HOMER1: variants seen among roughly 807,000 people sequenced by gnomAD.
HOMER1 encodes homer protein homolog 1.
HOMER1 carries 3 observed loss-of-function variants against 48.9 expected under a neutral mutation model. The ratio of observed to expected loss-of-function variants is 0.06; its 90% confidence interval spans 0.03 to 0.16. The LOEUF is 0.16. HOMER1 is among the 10% of genes least tolerant of loss of function. The probability of loss-of-function intolerance (pLI) is 1.00; values close to 1 mark genes in which losing one functional copy is unlikely to be tolerated. For synonymous variants in HOMER1, 134 were observed against 146.4 expected (o/e 0.92, Z 0.61); for missense variants, 247 against 411.4 (o/e 0.60, Z 3.46).
At chr5:79,408,443 G>C (rs765432784) in intron 5 of HOMER1, among the ~76,000 whole-genome samples, 1 of 152,066 alleles carries the variant, frequency 6.6e-6, no homozygotes, top group African/African-American at 2.4e-5. Context: ...GAGAAATGTA[G>C]ATCTACACAG....
chr5:79,457,500 C>T (rs1751205658), intron 1 of HOMER1, among the ~76,000 whole-genome samples: 1 of 152,116 alleles, frequency 6.6e-6, no homozygotes, highest in African/African-American at 2.4e-5. Flanking sequence ...TAAAATGGCC[C>T]ATAAGCATCA....
At position 79,432,284 on chromosome 5, in the gene HOMER1, G is replaced by A. The variant is rs6887751; in HGVS notation, c.527+6726C>T. On this transcript the variant is annotated intron_variant, in intron 5 of 8. Transcript: ENST00000334082. ...ATGTAGCAGGCTAAGAACAGAAATGGAGGGGAAAAAGGAATTTTTTAAAGC... is the reference window on the plus strand; with the variant it reads ...ATGTAGCAGGCTAAGAACAGAAATGAAGGGGAAAAAGGAATTTTTTAAAGC... 1.0e-2 allele frequency among the ~76,000 whole-genome samples: 1,521 copies of A among 152,266 alleles called. 28 individuals are homozygous for A. The highest frequency in any genetic ancestry group is 0.035 in the African/African-American group (1,459 of 41,556).
chr5:79,497,367 G>A (rs1752455588), intron 1 of HOMER1, among the ~76,000 whole-genome samples: 1 of 151,804 alleles, frequency 6.6e-6, no homozygotes, highest in Non-Finnish European at 1.5e-5. Context: ...ATAAAAAATA[G>A]AGCTGGGTGC....
chr5:79,427,797 TTCCTTTCCTTCCTTCCTTCTTTTCC>T (rs1411957675), intron 5 of HOMER1, among the ~76,000 whole-genome samples: 1 of 141,884 alleles, frequency 7.0e-6, no homozygotes, highest in African/African-American at 3.1e-5. Context: ...CCTTCCTTCC[TTCCTTTCCTTCCTTCCTTCTTTTCC>T]TTCCTTCCTT....
At chr5:79,398,138 C>T (rs1330786682) in intron 6 of HOMER1, among the ~76,000 whole-genome samples, 2 of 152,140 alleles carry the variant, frequency 1.3e-5, no homozygotes, top group Non-Finnish European at 2.9e-5. Context: ...AACAGTGTCT[C>T]TTACGGGTAA....
At chr5:79,462,187 G>A (rs1344078955) in intron 1 of HOMER1, among the ~76,000 whole-genome samples, 6 of 152,128 alleles carry the variant, frequency 3.9e-5, no homozygotes, top group South Asian at 4.2e-4. Flanking sequence ...GCGACAGAGC[G>A]AGACTCCATC....
chr5:79,401,692 T>C (rs1210833010), intron 6 of HOMER1, among the ~76,000 whole-genome samples: 1 of 152,222 alleles, frequency 6.6e-6, no homozygotes, highest in Non-Finnish European at 1.5e-5. Flanking sequence ...CATGGTTTGT[T>C]GACTTCAAAA....
chr5:79,503,239 T>C (rs1216389156), intron 1 of HOMER1, among the ~76,000 whole-genome samples: 2 of 152,078 alleles, frequency 1.3e-5, no homozygotes, highest in African/African-American at 2.4e-5. Flanking sequence ...AAACATGTTA[T>C]TAAGAAAAGC....
At chr5:79,458,297 A>G (rs886513161) in intron 1 of HOMER1, among the ~76,000 whole-genome samples, 4 of 152,086 alleles carry the variant, frequency 2.6e-5, no homozygotes, top group African/African-American at 9.6e-5. Context: ...TTTTTTTAAG[A>G]GCCCAAATAA....
At chr5:79,444,271 G>A (rs1010041847) in intron 4 of HOMER1, among the ~76,000 whole-genome samples, 1 of 152,060 alleles carries the variant, frequency 6.6e-6, no homozygotes, top group African/African-American at 2.4e-5. Context: ...TGACGTGATT[G>A]TAGCTCACTG....
chr5:79,375,910 T>C lies in HOMER1; in HGVS notation c.*99A>G. ...CCTGGAGGAGTGATATTCAATTTTT[T>C]TTTTTTTTTTTTTGTGCAATCTTGA... On this transcript the variant is annotated 3_prime_UTR_variant, in exon 9 of 9. Coordinates refer to ENST00000334082, the MANE Select transcript of HOMER1 (RefSeq NM_004272.5). The C allele has an allele frequency of 3.6e-6, 2 of 552,548 alleles. No homozygotes were observed. The highest frequency in any genetic ancestry group is 2.7e-6 in the Non-Finnish European group (1 of 368,918). The allele number at this position is 552,548 out of a possible 1,614,324, so 34.2% of individuals were successfully genotyped here.
chr5:79,456,851 A>G lies in HOMER1; in HGVS notation c.162+11T>C. 6.2e-7 allele frequency: 1 copy of G among 1,608,768 alleles called. No homozygotes were observed. Among genetic ancestry groups the G allele is most frequent in the Non-Finnish European group, 8.5e-7 (1 of 1,176,222 alleles). ...AAACCAGCCAAATCATTCAAAGTAA[A>G]CGTAGCTTACCTTTGAGCCATCTAA... On this transcript the variant is annotated intron_variant, in intron 2 of 8. Transcript: ENST00000334082.
At chr5:79,486,131 G>A (rs1425628965) in intron 1 of HOMER1, among the ~76,000 whole-genome samples, 1 of 152,162 alleles carries the variant, frequency 6.6e-6, no homozygotes, top group African/African-American at 2.4e-5. Context: ...TCCTGGCCAA[G>A]AGTAAAGACT....
intron 1 of HOMER1, among the ~76,000 whole-genome samples, chr5:79,502,935 C>T (rs4588573): frequency 1.2e-4 from 18 of 151,520 alleles, no homozygotes; most frequent in Admixed American, 2.6e-4. Context: ...TGACTACAGG[C>T]GCCCGCCACC....
intron 1 of HOMER1, among the ~76,000 whole-genome samples, chr5:79,508,179 A>G (rs1472856830): frequency 6.6e-6 from 1 of 152,242 alleles, no homozygotes; most frequent in Non-Finnish European, 1.5e-5. Context: ...AAAACCCTTT[A>G]GTAATCTTCA....
intron 1 of HOMER1, among the ~76,000 whole-genome samples, chr5:79,497,584 G>C (rs2112367765): frequency 6.7e-6 from 1 of 149,726 alleles, no homozygotes; most frequent in South Asian, 2.1e-4. Flanking sequence ...AGAATCATTT[G>C]AACCCGGGAG....
chr5:79,489,109 TA>T (rs977966361), intron 1 of HOMER1, among the ~76,000 whole-genome samples: 1 of 152,012 alleles, frequency 6.6e-6, no homozygotes, highest in African/African-American at 2.4e-5. Flanking sequence ...ACAGTTCATC[TA>T]AAAAAAATCT....
chr5:79,503,425 G>A (rs1352645700), intron 1 of HOMER1, among the ~76,000 whole-genome samples: 2 of 150,992 alleles, frequency 1.3e-5, no homozygotes, highest in East Asian at 4.0e-4. Context: ...AGCTACTCAG[G>A]AGGCTGAGAC....
chr5:79,438,252 G>A (rs1237762407), intron 5 of HOMER1, among the ~76,000 whole-genome samples: 1 of 152,090 alleles, frequency 6.6e-6, no homozygotes, highest in Admixed American at 6.5e-5. Context: ...AGTTTCCAAA[G>A]AAGGACAAAA....
Sources: allele counts gnomAD v4.1 joint callset (sites outside exome capture counted in the v4.1 genomes callset), GRCh38; gene constraint gnomAD v4.1.1; transcripts MANE v1.5; gene names NCBI Gene and HGNC (gene_info 2026-07-23, HGNC 2026-07-21).